Variants in UBE3D observed in about 807,000 individuals in gnomAD.
UBE3D encodes the protein E3 ubiquitin-protein ligase E3D.
UBE3D carries 48 observed loss-of-function variants against 49.6 expected under a neutral mutation model. That is an observed-to-expected ratio of 0.97 (90% CI 0.77 to 1.23). UBE3D has a LOEUF of 1.23. Among genes scored for constraint, UBE3D ranks in the 50% most tolerant of loss-of-function variants. The pLI is 0.00. For synonymous variants in UBE3D, 189 were observed against 174.2 expected, an observed-to-expected ratio of 1.08 and a Z score of -0.67; for missense variants, 452 against 468.4, an observed-to-expected ratio of 0.96 and a Z score of 0.32.
At chr6:82,959,243 C>A (rs1267355738) in intron 8 of UBE3D, among the ~76,000 whole-genome samples, 4 of 151,386 alleles carry the variant, frequency 2.6e-5, no homozygotes, top group Non-Finnish European at 5.9e-5. Context: ...TCCCCCACCC[C>A]CCTCAAAATC....
chr6:82,911,525 A>G (rs550219920), intron 9 of UBE3D, among the ~76,000 whole-genome samples: 1 of 152,360 alleles, frequency 6.6e-6, no homozygotes, highest in Non-Finnish European at 1.5e-5. Context: ...GAGCTAGGCA[A>G]TATATAGTCA....
intron 8 of UBE3D, among the ~76,000 whole-genome samples, chr6:83,015,100 C>T (rs1231847437): frequency 6.6e-6 from 1 of 152,134 alleles, no homozygotes; most frequent in Non-Finnish European, 1.5e-5. Context: ...TACAATTATT[C>T]CAATTGCATT....
downstream of UBE3D, among the ~76,000 whole-genome samples, chr6:82,889,581 T>C (rs1770944781): frequency 6.6e-6 from 1 of 152,232 alleles, no homozygotes. Context: ...TATATGGTAC[T>C]ATACAGTATA....
chr6:83,018,745 C>T (rs971835903), intron 8 of UBE3D: 4 of 497,134 alleles, frequency 8.0e-6, no homozygotes, highest in Admixed American at 3.9e-5. Flanking sequence ...GCTTAGATTA[C>T]AAGAAAAAAA....
chr6:82,978,102 C>T (rs1211998727), intron 8 of UBE3D, among the ~76,000 whole-genome samples: 2 of 149,848 alleles, frequency 1.3e-5, no homozygotes, highest in Admixed American at 6.8e-5. Flanking sequence ...TCAACAAGTG[C>T]AGATACCACA....
At chr6:83,049,756 ACT>A in intron 3 of UBE3D, 1 of 471,048 alleles carries the variant, frequency 2.1e-6, no homozygotes. Flanking sequence ...CCGGAGAGCC[ACT>A]CTGTTTCAAA....
chr6:83,010,770 T>C (rs1417320495), intron 8 of UBE3D, among the ~76,000 whole-genome samples: 1 of 152,158 alleles, frequency 6.6e-6, no homozygotes, highest in African/African-American at 2.4e-5. Flanking sequence ...AAAGCCAGCC[T>C]AGTCTTTTCA....
chr6:83,017,313 C>T (rs1366525773), intron 8 of UBE3D: 2 of 151,872 alleles, frequency 1.3e-5, no homozygotes, highest in Non-Finnish European at 2.9e-5. Flanking sequence ...TCACAAAAGT[C>T]CACATTTTAA....
the UBE3D span, among the ~76,000 whole-genome samples, chr6:82,881,447 G>C: frequency 1.3e-5 from 2 of 152,164 alleles, no homozygotes; most frequent in Admixed American, 1.3e-4. Context: ...GATTCCAAGG[G>C]TTCTAGCCTG....
chr6:82,971,843 T>A (rs1322565648), intron 8 of UBE3D, among the ~76,000 whole-genome samples: 11 of 152,206 alleles, frequency 7.2e-5, no homozygotes, highest in Admixed American at 7.2e-4. Context: ...CTGGTATTGA[T>A]AAAATGGCAT....
chr6:83,046,215 T>C (rs1346173483), intron 3 of UBE3D, among the ~76,000 whole-genome samples: 3 of 152,092 alleles, frequency 2.0e-5, no homozygotes, highest in Non-Finnish European at 4.4e-5. Context: ...AGTTAAAACA[T>C]TTAAAATGTG....
chr6:82,898,270 C>T (rs949504641), intron 9 of UBE3D, among the ~76,000 whole-genome samples: 4 of 152,134 alleles, frequency 2.6e-5, no homozygotes, highest in East Asian at 1.9e-4. Context: ...GACAGTATGG[C>T]GATTCCTCAA....
intron 5 of UBE3D, chr6:83,036,005 T>A (rs1430937830): frequency 6.7e-6 from 1 of 149,200 alleles, no homozygotes; most frequent in African/African-American, 2.5e-5. Flanking sequence ...TGATTACATA[T>A]ATTTTTTTGT....
intron 1 of UBE3D, among the ~76,000 whole-genome samples, chr6:83,059,505 A>C (rs185746402): frequency 6.6e-6 from 1 of 152,202 alleles, no homozygotes; most frequent in Non-Finnish European, 1.5e-5. Context: ...AAGATAACAC[A>C]ATGTCCATTT....
At chr6:83,049,298 T>C (rs1783296450) in intron 3 of UBE3D, among the ~76,000 whole-genome samples, 1 of 149,726 alleles carries the variant, frequency 6.7e-6, no homozygotes. Context: ...AGAATATTAG[T>C]AACATCAACT....
At chr6:82,994,713 T>C (rs1779123329) in intron 8 of UBE3D, among the ~76,000 whole-genome samples, 1 of 152,130 alleles carries the variant, frequency 6.6e-6, no homozygotes, top group Admixed American at 6.6e-5. Flanking sequence ...TATGACTTCA[T>C]AATAGGTTGG....
chr6:83,036,008 T>G (rs1782219914), intron 5 of UBE3D: 2 of 147,934 alleles, frequency 1.4e-5, no homozygotes, highest in South Asian at 2.1e-4. Flanking sequence ...TTACATATAT[T>G]TTTTTGTACT....
intron 8 of UBE3D, among the ~76,000 whole-genome samples, chr6:82,986,785 G>T (rs1173571807): frequency 1.4e-5 from 2 of 147,556 alleles, no homozygotes; most frequent in East Asian, 3.9e-4. Context: ...TTTATTTGTA[G>T]ATTTTTATAT....
intron 5 of UBE3D, among the ~76,000 whole-genome samples, chr6:83,030,580 G>A (rs1278276340): frequency 6.6e-6 from 1 of 152,152 alleles, no homozygotes; most frequent in African/African-American, 2.4e-5. Context: ...AGCAGCATGA[G>A]AACGGACTAA....
Sources: allele counts gnomAD v4.1 joint callset (sites outside exome capture counted in the v4.1 genomes callset), GRCh38; gene constraint gnomAD v4.1.1; transcripts MANE v1.5; gene names NCBI Gene and HGNC (gene_info 2026-07-23, HGNC 2026-07-21).